Variants in SIDT1 observed in about 807,000 individuals in gnomAD.
SIDT1 encodes SID1 transmembrane family member 1.
In SIDT1, 101 loss-of-function variants were observed where a neutral mutation model predicts 107.5. That is an observed-to-expected ratio of 0.94 (90% confidence interval 0.80 to 1.11). The LOEUF (loss-of-function observed/expected upper bound fraction) is 1.11. Among genes scored for constraint, SIDT1 ranks in the 50% least tolerant of loss-of-function variants. SIDT1 has a pLI of 0.00. For missense variants in SIDT1, 1,076 were observed against 1,058.2 expected (o/e 1.02, Z -0.23); for synonymous variants, 395 against 398.2 (o/e 0.99, Z 0.10).
At chr3:113,601,723 G>C in intron 11 of SIDT1, 64 bp downstream of exon 11, 1 of 1,167,862 alleles carries the variant, frequency 8.6e-7, no homozygotes, top group Admixed American at 2.1e-5. Context: ...TGATAGAAAG[G>C]CATTCCAGCC....
intron 17 of SIDT1, 99 bp downstream of exon 17, chr3:113,608,635 G>C: frequency 1.2e-6 from 1 of 832,016 alleles, no homozygotes; most frequent in Non-Finnish European, 2.0e-6. Flanking sequence ...AGATCAAATG[G>C]CATTTTATGT....
At chr3:113,550,088 G>A (rs988924400) in intron 1 of SIDT1, among the ~76,000 whole-genome samples, 2 of 152,152 alleles carry the variant, frequency 1.3e-5, no homozygotes, top group Admixed American at 6.6e-5. Context: ...CCCCACACCT[G>A]GTGCTCAGTG....
At chr3:113,592,353 A>C (rs573451334) in intron 9 of SIDT1, among the ~76,000 whole-genome samples, 1 of 152,328 alleles carries the variant, frequency 6.6e-6, no homozygotes, top group Non-Finnish European at 1.5e-5. Flanking sequence ...ATGCACTTTA[A>C]AGGGTGAATT....
chr3:113,542,902 TTGTGTGTGTGTGTG>T lies in SIDT1; in HGVS notation c.222+9683_222+9696del, dbSNP rs71625216. On this transcript the variant is annotated intron_variant, in intron 1 of 24. Transcript: ENST00000264852. ...AGACTTTTAATTAGTTTTTGCTTGG[TTGTGTGTGTGTGTG>T]TGTGTGTGTGTGTGTGTGTGTGTTT... 1.1e-3 allele frequency among the ~76,000 whole-genome samples: 160 copies of T among 145,240 alleles called. 1 individual carries two copies. Among genetic ancestry groups the T allele is most frequent in the African/African-American group, 1.5e-3 (58 of 39,154 alleles).
intron 4 of SIDT1, among the ~76,000 whole-genome samples, chr3:113,578,276 T>G (rs1307232949): frequency 6.6e-6 from 1 of 151,632 alleles, no homozygotes; most frequent in Admixed American, 6.6e-5. Flanking sequence ...CCATCCTGGC[T>G]AACACGGTGA....
intron 9 of SIDT1, among the ~76,000 whole-genome samples, chr3:113,586,270 T>C (rs1396763264): frequency 6.6e-6 from 1 of 152,070 alleles, no homozygotes; most frequent in Non-Finnish European, 1.5e-5. Flanking sequence ...TTATAAACCA[T>C]TGGAAAAAAT....
chr3:113,587,422 A>G (rs530132506), intron 9 of SIDT1, among the ~76,000 whole-genome samples: 25 of 152,282 alleles, frequency 1.6e-4, no homozygotes, highest in Non-Finnish European at 2.6e-4. Flanking sequence ...CCTGGAAAGT[A>G]TACATTAACT....
chr3:113,553,244 G>A (rs543537203), intron 1 of SIDT1, among the ~76,000 whole-genome samples: 1 of 152,222 alleles, frequency 6.6e-6, no homozygotes, highest in East Asian at 1.9e-4. Context: ...GAAGATGTTT[G>A]CAGATGATTG....
chr3:113,617,351 C>T (rs979638816), intron 20 of SIDT1, among the ~76,000 whole-genome samples: 13 of 152,310 alleles, frequency 8.5e-5, no homozygotes, highest in African/African-American at 2.6e-4. Flanking sequence ...GAGCTCAGGG[C>T]CCTGGTCCCA....
chr3:113,575,986 G>A (rs1184908343), intron 3 of SIDT1, among the ~76,000 whole-genome samples: 1 of 152,210 alleles, frequency 6.6e-6, no homozygotes, highest in Non-Finnish European at 1.5e-5. Context: ...CTGTGGACTT[G>A]TGTGCATGAT....
intron 16 of SIDT1, 24 bp from the exon 17 acceptor site, chr3:113,608,395 T>C: frequency 6.3e-7 from 1 of 1,577,844 alleles, no homozygotes; most frequent in Non-Finnish European, 8.7e-7. Flanking sequence ...TAGTATCTAT[T>C]GACCACCCTT....
At chr3:113,599,490 C>T (rs1436947241) in intron 10 of SIDT1, among the ~76,000 whole-genome samples, 2 of 152,188 alleles carry the variant, frequency 1.3e-5, no homozygotes, top group Non-Finnish European at 2.9e-5. Context: ...AGGAAAATTC[C>T]TGTCTTTTCA....
chr3:113,541,611 C>T (rs1378920566), intron 1 of SIDT1, among the ~76,000 whole-genome samples: 1 of 152,152 alleles, frequency 6.6e-6, no homozygotes, highest in African/African-American at 2.4e-5. Flanking sequence ...GAAAAACCCA[C>T]AATTACTTTT....
Position 113,611,033 on chromosome 3 carries a change from T to C in SIDT1, c.1746T>C (p.Ala582=), listed in dbSNP as rs780048138. ...QFDTSFMYMI[A]GLCMLKLYQT... ...ACACCTCCTTCATGTACATGATCGC[T>C]GGCCTGTGCATGCTGAAGCTCTATC... Residue 582 remains alanine, a synonymous_variant, in exon 18 of 25, where the codon GCT becomes GCC. Coordinates refer to ENST00000264852, the MANE Select transcript of SIDT1 (RefSeq NM_017699.3). The C allele has an allele frequency of 6.2e-7, 1 of 1,614,156 alleles. No homozygotes were observed.
rs759130254 is a variant in SIDT1, at chr3:113,585,265, T to C, written c.996T>C (p.Tyr332=). The C allele has an allele frequency of 3.1e-6, 5 of 1,608,118 alleles. No individual in the cohort carries two copies. The highest frequency in any genetic ancestry group is 4.3e-6 in the Non-Finnish European group (5 of 1,174,620). The change falls in exon 9 of 25, where the codon TAT becomes TAC. Residue 332 remains tyrosine, a synonymous_variant. Coordinates refer to ENST00000264852, the MANE Select transcript of SIDT1 (RefSeq NM_017699.3). ...GCCTTCTTGTTGGGTTTGTTCATTA[T>C]CTGAGGTAGGTCAATCTTTTCTAGA... The part of the protein sequence containing the change: ...LGCLLVGFVH[Y]LRFQRKSIDG...
intron 3 of SIDT1, among the ~76,000 whole-genome samples, chr3:113,575,296 G>A (rs1298578244): frequency 6.6e-6 from 1 of 152,216 alleles, no homozygotes; most frequent in African/African-American, 2.4e-5. Context: ...AGAGTAAGGA[G>A]AAGTCATGTC....
intron 10 of SIDT1, among the ~76,000 whole-genome samples, chr3:113,600,191 T>C (rs1193882417): frequency 6.6e-6 from 1 of 151,870 alleles, no homozygotes; most frequent in African/African-American, 2.4e-5. Context: ...GCACCTGTAG[T>C]CCCAGCTACT....
At chr3:113,617,616 G>T (rs1946194184) in intron 20 of SIDT1, among the ~76,000 whole-genome samples, 2 of 152,204 alleles carry the variant, frequency 1.3e-5, no homozygotes, top group Non-Finnish European at 2.9e-5. Flanking sequence ...AGTCTGGAGG[G>T]TTTATTCAGG....
intron 1 of SIDT1, among the ~76,000 whole-genome samples, chr3:113,538,106 G>A (rs967236460): frequency 6.6e-6 from 1 of 152,146 alleles, no homozygotes; most frequent in Non-Finnish European, 1.5e-5. Flanking sequence ...TATAAGGGCA[G>A]CAATCCCTCC....
Sources: gnomAD v4.1 joint callset for allele counts (sites outside exome capture counted in the v4.1 genomes callset) on GRCh38, gnomAD v4.1.1 for gene constraint, MANE v1.5 for transcripts, NCBI Gene and HGNC (gene_info 2026-07-23, HGNC 2026-07-21) for gene names.